The following TENT4A variants were observed in gnomAD, a reference collection of about 807,000 sequenced individuals.
TENT4A encodes terminal nucleotidyltransferase 4A.
TENT4A carries 7 observed loss-of-function variants against 72.8 expected under a neutral mutation model. The ratio of observed to expected loss-of-function variants is 0.10; its 90% CI spans 0.05 to 0.18. TENT4A has a LOEUF of 0.18. Ranked by LOEUF, TENT4A falls within the 10% of genes least tolerant of loss-of-function variation. TENT4A has a pLI of 1.00. For missense variants in TENT4A, 831 were observed against 1,017.7 expected (o/e 0.82, Z 2.50); for synonymous variants, 456 against 434.3 (o/e 1.05, Z -0.62).
intron 1 of TENT4A, among the ~76,000 whole-genome samples, chr5:6,733,175 G>A (rs1741293538): frequency 6.6e-6 from 1 of 152,248 alleles, no homozygotes; most frequent in Admixed American, 6.5e-5. Flanking sequence ...TCAGGAGTAG[G>A]GGGTGAGGCC....
chr5:6,716,677 T>G (rs1740404657), intron 1 of TENT4A, among the ~76,000 whole-genome samples: 1 of 152,016 alleles, frequency 6.6e-6, no homozygotes, highest in South Asian at 2.1e-4. Context: ...CAGCAACACC[T>G]CCAGGGCTCT....
At chr5:6,727,226 G>A (rs1163237251) in intron 1 of TENT4A, among the ~76,000 whole-genome samples, 2 of 152,040 alleles carry the variant, frequency 1.3e-5, no homozygotes, top group Non-Finnish European at 2.9e-5. Context: ...CACACAGCTG[G>A]CATGCCATGG....
intron 4 of TENT4A, among the ~76,000 whole-genome samples, chr5:6,740,994 T>C (rs1257924790): frequency 1.3e-5 from 2 of 152,184 alleles, no homozygotes; most frequent in African/African-American, 4.8e-5. Context: ...AGGCCGCTGT[T>C]GTCTGCTGCT....
intron 12 of TENT4A, among the ~76,000 whole-genome samples, chr5:6,754,280 T>C (rs941543638): frequency 2.0e-5 from 3 of 152,202 alleles, no homozygotes; most frequent in East Asian, 1.9e-4. Context: ...GCAATTCTTG[T>C]GCCTCAGCTT....
At chr5:6,750,284 C>G in intron 9 of TENT4A, 47 bp from the exon 10 acceptor site, 2 of 1,517,162 alleles carry the variant, frequency 1.3e-6, no homozygotes, top group Non-Finnish European at 1.8e-6. Context: ...GGCGGCTCCA[C>G]GCCGCAGTTC....
At chr5:6,742,055 A>G (rs187994) in intron 4 of TENT4A, among the ~76,000 whole-genome samples, 93,829 of 152,064 alleles carry the variant, frequency 0.62, 29,900 homozygotes, top group Non-Finnish European at 0.71. Context: ...GTGAAAACCC[A>G]AAGTAGAGAA....
Position 6,715,711 on chromosome 5 carries a change from C to A in TENT4A, c.716+1012C>A, listed in dbSNP as rs116267061. Among the ~76,000 whole-genome samples the A allele has an allele frequency of 2.3e-3, 344 of 152,308 alleles. 1 individual carries two copies. The highest frequency in any genetic ancestry group is 8.1e-3 in the African/African-American group (337 of 41,558). ...TTATAGTAAACTTTTGCTTGTAACT[C>A]TTTTTCTCATTTGAAGTATGTTGGG... On this transcript the variant is annotated intron_variant, in intron 1 of 12. Transcript: ENST00000230859.
intron 1 of TENT4A, among the ~76,000 whole-genome samples, chr5:6,734,536 C>CT (rs1741372724): frequency 6.6e-6 from 1 of 152,248 alleles, no homozygotes; most frequent in South Asian, 2.1e-4. Flanking sequence ...TGTCTGACTC[C>CT]GTCATCCAAG....
intron 1 of TENT4A, among the ~76,000 whole-genome samples, chr5:6,723,595 A>G (rs879386848): frequency 4.6e-5 from 7 of 152,340 alleles, no homozygotes; most frequent in African/African-American, 1.7e-4. Flanking sequence ...CTTTACTCCT[A>G]ACAGTGTTCA....
At chr5:6,738,380 TAAG>T (rs1741622576) in intron 2 of TENT4A, among the ~76,000 whole-genome samples, 1 of 152,236 alleles carries the variant, frequency 6.6e-6, no homozygotes, top group Non-Finnish European at 1.5e-5. Flanking sequence ...GCTGTGGGTT[TAAG>T]AAGAGGTTGA....
intron 3 of TENT4A, 70 bp from the exon 4 acceptor site, chr5:6,739,662 T>C (rs1170435486): frequency 6.3e-7 from 1 of 1,583,732 alleles, no homozygotes; most frequent in Non-Finnish European, 8.6e-7. Context: ...CCTTGGTGCT[T>C]ATCCTCCCCA....
chr5:6,724,700 C>T (rs897390394), intron 1 of TENT4A, among the ~76,000 whole-genome samples: 1 of 152,188 alleles, frequency 6.6e-6, no homozygotes, highest in African/African-American at 2.4e-5. Flanking sequence ...AATAACAAGG[C>T]CTGTGGTTGG....
At chr5:6,739,928 G>T in intron 4 of TENT4A, 76 bp downstream of exon 4, 1 of 1,424,580 alleles carries the variant, frequency 7.0e-7, no homozygotes. Context: ...ATACGCCTGC[G>T]TCACGAGCTT....
intron 1 of TENT4A, among the ~76,000 whole-genome samples, chr5:6,729,038 TATAG>T (rs1210118311): frequency 1.3e-5 from 2 of 152,244 alleles, no homozygotes; most frequent in Non-Finnish European, 2.9e-5. Context: ...TAAAATATTG[TATAG>T]ATAGATGTAC....
chr5:6,717,240 A>G (rs947531753), intron 1 of TENT4A, among the ~76,000 whole-genome samples: 2 of 152,256 alleles, frequency 1.3e-5, no homozygotes, highest in African/African-American at 2.4e-5. Context: ...TAGCTAAGGA[A>G]ATAACTGAGT....
At position 6,732,998 on chromosome 5, in the gene TENT4A, A is replaced by T. The variant is rs533790414; in HGVS notation, c.717-4512A>T. Among the ~76,000 whole-genome samples, 5 of 152,390 alleles carry T rather than the reference A, an allele frequency of 3.3e-5. No individual in the cohort carries two copies. The East Asian group carries it at 9.6e-4, about 29-fold the overall frequency. Reference sequence around the variant, plus strand: ...ACGAGGCTAGAAGTCACCACGGAGCAGTTGGAAGCTCTGCTTCCGGTTCTG... The same window carrying T: ...ACGAGGCTAGAAGTCACCACGGAGCTGTTGGAAGCTCTGCTTCCGGTTCTG... On this transcript the variant is annotated intron_variant, in intron 1 of 12. Coordinates refer to ENST00000230859, the MANE Select transcript of TENT4A (RefSeq NM_006999.6).
intron 4 of TENT4A, among the ~76,000 whole-genome samples, chr5:6,741,650 C>T (rs904839469): frequency 2.0e-5 from 3 of 152,240 alleles, no homozygotes; most frequent in Non-Finnish European, 4.4e-5. Context: ...GTGACTCTGG[C>T]CCCACTGGCA....
intron 1 of TENT4A, among the ~76,000 whole-genome samples, chr5:6,722,556 T>G (rs938771037): frequency 4.7e-5 from 7 of 150,418 alleles, no homozygotes; most frequent in African/African-American, 1.7e-4. Context: ...AGTTTTTTTT[T>G]TTTTTTTTTT....
At chr5:6,724,935 A>G (rs1362296203) in intron 1 of TENT4A, among the ~76,000 whole-genome samples, 5 of 152,214 alleles carry the variant, frequency 3.3e-5, no homozygotes, top group Admixed American at 6.5e-5. Context: ...TAAAGCAGGC[A>G]TTGGAGTCCA....
Sources: allele counts gnomAD v4.1 joint callset (sites outside exome capture counted in the v4.1 genomes callset), GRCh38; gene constraint gnomAD v4.1.1; transcripts MANE v1.5; gene names NCBI Gene and HGNC (gene_info 2026-07-23, HGNC 2026-07-21).